Variants in DCAF17 observed in about 807,000 individuals in gnomAD.
DCAF17 encodes DDB1 and CUL4 associated factor 17.
DCAF17 carries 48 observed loss-of-function variants against 66.0 expected under a neutral mutation model. That is an observed-to-expected ratio of 0.73 (90% CI 0.58 to 0.92). The LOEUF is 0.92. DCAF17 is among the 40% of genes least tolerant of loss of function. The pLI is 0.00. For synonymous variants in DCAF17, 206 were observed against 214.6 expected (o/e 0.96, Z 0.35); for missense variants, 562 against 622.8 (o/e 0.90, Z 1.04).
chr2:171,484,246 G>T lies in DCAF17; in HGVS notation c.*3132G>T. 1 of 449,690 alleles carries T rather than the reference G, an allele frequency of 2.2e-6. No individual in the cohort carries two copies. Among genetic ancestry groups the T allele is most frequent in the South Asian group, 1.6e-5 (1 of 62,708 alleles). The allele number at this position is 449,690 out of a possible 1,614,324, so 27.9% of individuals were successfully genotyped here. On this transcript the variant is annotated 3_prime_UTR_variant, in exon 14 of 14. Transcript: ENST00000375255. ...ATCATCCATCTTTTAGAATCCCAGG[G>T]AGCTAATTTCTGGTCCCTGTGTTGC... is the stretch of plus-strand genomic sequence containing the variant.
At chr2:171,435,649 G>A (rs901867294) in intron 2 of DCAF17, among the ~76,000 whole-genome samples, 2 of 151,818 alleles carry the variant, frequency 1.3e-5, no homozygotes, top group Admixed American at 6.6e-5. Context: ...CCAACATGAG[G>A]GGGGAAGGAA....
intron 8 of DCAF17, among the ~76,000 whole-genome samples, chr2:171,464,538 T>C (rs1695783515): frequency 6.6e-6 from 1 of 152,186 alleles, no homozygotes; most frequent in South Asian, 2.1e-4. Flanking sequence ...CAGTATGATC[T>C]TAACTTGATT....
chr2:171,473,925 C>T lies in DCAF17; in HGVS notation c.1041C>T (p.Phe347=). Reference sequence around the variant, plus strand: ...CTCTAGAATCTGACTGGATCTATTTCCATCCTGATGCTTCTGGTAGAATAA... The same window carrying T: ...CTCTAGAATCTGACTGGATCTATTTTCATCCTGATGCTTCTGGTAGAATAA... ...CCSLESDWIY[F]HPDASGRIIH... Residue 347 remains phenylalanine (F), a synonymous_variant, in exon 10 of 14, where the codon TTC becomes TTT. Transcript: ENST00000375255. 3 of 1,613,800 alleles carry T rather than the reference C, an allele frequency of 1.9e-6. No individual in the cohort carries two copies. In the South Asian group the frequency reaches 3.3e-5, roughly 18 times the overall value.
chr2:171,458,252 G>T (rs958798022), intron 7 of DCAF17, 120 bp from the exon 8 acceptor site: 3 of 1,068,502 alleles, frequency 2.8e-6, no homozygotes, highest in African/African-American at 1.6e-5. Flanking sequence ...AAGATAAACA[G>T]AAAGGCCATT....
chr2:171,464,118 C>T (rs1029035351), intron 8 of DCAF17, among the ~76,000 whole-genome samples: 1 of 152,170 alleles, frequency 6.6e-6, no homozygotes, highest in African/African-American at 2.4e-5. Flanking sequence ...AGAATTTCCT[C>T]GCTTTCTAGA....
At chr2:171,448,940 AC>A in intron 4 of DCAF17, 123 bp downstream of exon 4, 2 of 859,284 alleles carry the variant, frequency 2.3e-6, no homozygotes, top group Non-Finnish European at 3.7e-6. Context: ...CAATTAATAA[AC>A]CTATTTTCTT....
chr2:171,455,177 C>T (rs892439593), intron 6 of DCAF17, among the ~76,000 whole-genome samples: 1 of 145,920 alleles, frequency 6.9e-6, no homozygotes, highest in Non-Finnish European at 1.5e-5. Flanking sequence ...GTGTGTTGTT[C>T]CCCTCTATGT....
intron 2 of DCAF17, among the ~76,000 whole-genome samples, chr2:171,439,518 T>C (rs905361763): frequency 6.7e-6 from 1 of 149,736 alleles, no homozygotes; most frequent in Non-Finnish European, 1.5e-5. Flanking sequence ...TTCCTTTTTT[T>C]TTTTTTTTTT....
intron 11 of DCAF17, 103 bp downstream of exon 11, chr2:171,477,053 C>A: frequency 1.2e-6 from 1 of 851,716 alleles, no homozygotes; most frequent in Non-Finnish European, 1.9e-6. Flanking sequence ...AAAACAACAG[C>A]ACAGCCCTAT....
At chr2:171,465,365 CATTT>C (rs1311554135) in intron 8 of DCAF17, among the ~76,000 whole-genome samples, 1 of 152,078 alleles carries the variant, frequency 6.6e-6, no homozygotes, top group East Asian at 1.9e-4. Context: ...TAATTAGATT[CATTT>C]GTTTCATTTT....
intron 3 of DCAF17, 99 bp downstream of exon 3, chr2:171,443,712 C>A (rs993310968): frequency 1.3e-5 from 12 of 911,920 alleles, no homozygotes; most frequent in Non-Finnish European, 2.1e-5. Context: ...ACTTAAATAT[C>A]ATAGTGACTC....
In DCAF17 at chr2:171,478,146, T is replaced by C. The variant is rs1484366736; in HGVS notation, c.1266+76T>C. ...TGAATTTCATATTAATACTTCCCCA[T>C]ATCCTGGGGTAGAGGTTGGGGTTGA... On this transcript the variant is annotated intron_variant, in intron 12 of 13. Coordinates refer to ENST00000375255, the MANE Select transcript of DCAF17 (RefSeq NM_025000.4). 7 of 1,299,532 alleles carry C rather than the reference T, an allele frequency of 5.4e-6. No homozygotes were observed. In the East Asian group the frequency reaches 1.7e-4, roughly 31 times the overall value. The allele number at this position is 1,299,532 out of a possible 1,614,324, so 80.5% of individuals were successfully genotyped here. A position where few individuals can be genotyped will look rare whatever the true frequency, so the allele number is the denominator to read the frequency against.
intron 13 of DCAF17, among the ~76,000 whole-genome samples, chr2:171,480,470 A>C (rs759469596): frequency 6.6e-6 from 1 of 152,130 alleles, no homozygotes; most frequent in Admixed American, 6.5e-5. Context: ...TTTTCTTTCA[A>C]TTGTAAATTT....
chr2:171,443,469 A>G, intron 2 of DCAF17, 54 bp from the exon 3 acceptor site: 1 of 1,495,574 alleles, frequency 6.7e-7, no homozygotes, highest in East Asian at 2.3e-5. Context: ...AAACCTGAAC[A>G]AATACTGTCT....
chr2:171,443,614 G>T lies in DCAF17; in HGVS notation c.321+1G>T. 6.2e-7 allele frequency: 1 copy of T among 1,611,850 alleles called. No individual in the cohort carries two copies. Among genetic ancestry groups the T allele is most frequent in the Non-Finnish European group, 8.5e-7 (1 of 1,178,358 alleles). On this transcript the variant is annotated splice_donor_variant, in intron 3 of 13. Coordinates refer to ENST00000375255, the MANE Select transcript of DCAF17 (RefSeq NM_025000.4). LOFTEE classifies it high-confidence loss of function. ...TGCTTTATTATGGGAATGCCCAGTG[G>T]TAAGATTTGTTTTTAGAGCGTTTGT...
chr2:171,478,119 T>C lies in DCAF17; in HGVS notation c.1266+49T>C, dbSNP rs200152531. On this transcript the variant is annotated intron_variant, in intron 12 of 13. Transcript: ENST00000375255. ...AAACCAAACCAGTGTGTCCTTGCAT[T>C]GTGAATTTCATATTAATACTTCCCC... 2.3e-5 allele frequency: 34 copies of C among 1,497,328 alleles called. No individual in the cohort carries two copies. The African/African-American group carries it at 4.3e-4, about 19-fold the overall frequency. 92.8% of individuals were successfully genotyped at this position (1,497,328 alleles called of 1,614,324 possible). A position where few individuals can be genotyped will look rare whatever the true frequency, so the allele number is the denominator to read the frequency against.
In DCAF17 at chr2:171,473,891, A is replaced by T; in HGVS notation, c.1007A>T (p.Asp336Val). Residue 336 changes from aspartate (D) to valine (V), a missense_variant, in exon 10 of 14, where the codon GAT becomes GTT. Asp to Val is a radical substitution (Grantham distance 152). Around this residue, in one of 3 missense-constraint regions of DCAF17, gnomAD observed 201 missense variants for 231.1 expected, o/e 0.87. Coordinates refer to ENST00000375255, the MANE Select transcript of DCAF17 (RefSeq NM_025000.4). ...SLAKNGIQEM[D>V]CCSLESDWIY... ...GCAAAAAATGGGATCCAAGAAATGG[A>T]TTGTTGTTCTCTAGAATCTGACTGG... The T allele has an allele frequency of 1.9e-6, 3 of 1,613,756 alleles. No homozygotes were observed. The highest frequency in any genetic ancestry group is 2.5e-6 in the Non-Finnish European group (3 of 1,179,828).
chr2:171,462,915 T>G (rs1695670286), intron 8 of DCAF17, among the ~76,000 whole-genome samples: 2 of 152,180 alleles, frequency 1.3e-5, no homozygotes, highest in Non-Finnish European at 1.5e-5. Context: ...ATCACAAATT[T>G]AATTGCTAAA....
intron 8 of DCAF17, among the ~76,000 whole-genome samples, chr2:171,468,422 C>T (rs1327781887): frequency 6.6e-6 from 1 of 152,044 alleles, no homozygotes; most frequent in Non-Finnish European, 1.5e-5. Context: ...CTGAGTATAC[C>T]TGTTAGTCCA....
Sources: allele counts gnomAD v4.1 joint callset (sites outside exome capture counted in the v4.1 genomes callset), GRCh38; gene constraint gnomAD v4.1.1; regional missense constraint gnomAD v4.1.1; transcripts MANE v1.5; gene names NCBI Gene and HGNC (gene_info 2026-07-23, HGNC 2026-07-21).